The following IL3RA variants were observed in gnomAD, a reference collection of about 807,000 sequenced individuals.
IL3RA encodes the protein interleukin 3 receptor subunit alpha.
Under a neutral mutation model 52.3 loss-of-function variants are expected in IL3RA, and 73 were observed. The ratio of observed to expected loss-of-function variants is 1.40; its 90% CI spans 1.16 to 1.70. The LOEUF is 1.70. IL3RA is among the 40% of genes most tolerant of loss of function. The pLI, the probability that IL3RA is intolerant of heterozygous loss-of-function variation, is 0.00. For synonymous variants in IL3RA, 260 were observed against 194.0 expected (o/e 1.34, Z -2.83); for missense variants, 664 against 504.4 (o/e 1.32, Z -3.03).
At chrX:1,348,131 G>T (rs1277676038) in intron 3 of IL3RA, among the ~76,000 whole-genome samples, 2 of 150,848 alleles carry the variant, frequency 1.3e-5, no homozygotes, top group African/African-American at 4.9e-5. Context: ...CGGATCACAT[G>T]AGGTCAGGAG....
intron 8 of IL3RA, among the ~76,000 whole-genome samples, chrX:1,363,139 C>A (rs1169811009): frequency 6.6e-6 from 1 of 151,878 alleles, no homozygotes; most frequent in East Asian, 1.9e-4. Flanking sequence ...TCCAAAATGA[C>A]ATCATCTCAA....
chrX:1,345,376 A>C lies in IL3RA; in HGVS notation c.125A>C (p.Asp42Ala). The part of the protein sequence containing the change: ...MKAKAQQLTW[D>A]LNRNVTDIEC... ...GCAAAGGCTCAGCAGTTGACCTGGG[A>C]CCTTAACAGAAATGTGACCGATATC... is the stretch of plus-strand genomic sequence containing the variant. Residue 42 changes from aspartate to alanine, a missense_variant, in exon 3 of 12, where the codon GAC (aspartate) becomes GCC (alanine). Coordinates refer to ENST00000331035, the MANE Select transcript of IL3RA (RefSeq NM_002183.4). 4 of 1,611,306 alleles carry C rather than the reference A, an allele frequency of 2.5e-6. No homozygotes were observed. The highest frequency in any genetic ancestry group is 3.4e-6 in the Non-Finnish European group (4 of 1,178,302).
At position 1,382,645 on chromosome X, in the gene IL3RA, T is replaced by C. The variant is rs751107149; in HGVS notation, c.*180T>C. The C allele has an allele frequency of 1.6e-4, 103 of 638,234 alleles. No homozygotes were observed. Among genetic ancestry groups the C allele is most frequent in the Non-Finnish European group, 2.8e-4 (99 of 351,422 alleles). 39.5% of individuals were successfully genotyped at this position (638,234 alleles called of 1,614,324 possible). A position where few individuals can be genotyped will look rare whatever the true frequency, so the allele number is the denominator to read the frequency against. On this transcript the variant is annotated 3_prime_UTR_variant, in exon 12 of 12. Transcript: ENST00000331035. The stretch of plus-strand genomic sequence containing the variant: ...GCTGCCAGGAAGAAGAACAGAACTT[T>C]GTGTGTTTATTTCATGATAAAGTGA...
intron 8 of IL3RA, among the ~76,000 whole-genome samples, chrX:1,361,949 G>C (rs1275085992): frequency 6.6e-6 from 1 of 151,810 alleles, no homozygotes; most frequent in Non-Finnish European, 1.5e-5. Context: ...TGAGATTTGG[G>C]TGGGGACACA....
chrX:1,344,928 T>C lies in IL3RA; in HGVS notation c.65-388T>C, dbSNP rs188337249. 2.8e-3 allele frequency among the ~76,000 whole-genome samples: 412 copies of C among 148,994 alleles called. 3 individuals carry two copies. Among genetic ancestry groups the C allele is most frequent in the Non-Finnish European group, 5.0e-3 (335 of 67,398 alleles). ...CTGTAATCCCAGCACTTTGGGAGGC[T>C]GAGGCGGACGAATCATGAGGTCAGG... On this transcript the variant is annotated intron_variant, in intron 2 of 11. Transcript: ENST00000331035.
At chrX:1,382,160 A>G (rs1351136540) in intron 11 of IL3RA, among the ~76,000 whole-genome samples, 2 of 112,328 alleles carry the variant, frequency 1.8e-5, no homozygotes, top group Admixed American at 1.9e-4. Context: ...CATGTTGGCC[A>G]GGATGGTCTG....
rs375535967 is a variant in IL3RA at position 1,381,189 on chromosome X, A to C, written c.1062+85A>C. On this transcript the variant is annotated intron_variant, in intron 11 of 11. Coordinates refer to ENST00000331035, the MANE Select transcript of IL3RA (RefSeq NM_002183.4). Reference sequence around the variant, plus strand: ...CCAGGCGGGCGGACCACTTGAGGCCAGGAACTGGAGACCAGCCTGGCCAAC... The same window carrying C: ...CCAGGCGGGCGGACCACTTGAGGCCCGGAACTGGAGACCAGCCTGGCCAAC... The C allele has an allele frequency of 3.1e-4, 355 of 1,154,120 alleles. 2 individuals carry two copies. The African/African-American group carries it at 4.5e-3, about 15-fold the overall frequency. The allele number at this position is 1,154,120 out of a possible 1,614,324, so 71.5% of individuals were successfully genotyped here.
Position 1,382,451 on chromosome X carries a change from G to T in IL3RA, c.1123G>T (p.Val375Leu). ...GTGTCTGGTGACTGAAGTACAGGTC[G>T]TGCAGAAAACTTGAGACTGGGGTTC... is the stretch of plus-strand genomic sequence containing the variant. ...EECLVTEVQV[V>L]QKT Residue 375 changes from valine (V) to leucine (L), a missense_variant, in exon 12 of 12, where the codon GTG becomes TTG. Coordinates refer to ENST00000331035, the MANE Select transcript of IL3RA (RefSeq NM_002183.4). The T allele has an allele frequency of 6.2e-7, 1 of 1,613,860 alleles. No individual in the cohort carries two copies.
chrX:1,344,397 G>A (rs1375214143), intron 2 of IL3RA, among the ~76,000 whole-genome samples: 1 of 151,962 alleles, frequency 6.6e-6, no homozygotes, highest in Non-Finnish European at 1.5e-5. Flanking sequence ...TCGCGCCACT[G>A]AATTCCAGCC....
chrX:1,341,748 T>C lies in IL3RA; in HGVS notation c.-18T>C. ...TGCAGCAGGCACCTCTGTCCTGCGTTCCGGAGCTGCGTTCCCGATGGTCCT... is the reference window on the plus strand; with the variant it reads ...TGCAGCAGGCACCTCTGTCCTGCGTCCCGGAGCTGCGTTCCCGATGGTCCT... On this transcript the variant is annotated 5_prime_UTR_variant, in exon 2 of 12. Coordinates refer to ENST00000331035, the MANE Select transcript of IL3RA (RefSeq NM_002183.4). 2 of 1,613,696 alleles carry C rather than the reference T, an allele frequency of 1.2e-6. No individual in the cohort carries two copies. Among genetic ancestry groups the C allele is most frequent in the Non-Finnish European group, 1.7e-6 (2 of 1,179,766 alleles).
intron 2 of IL3RA, among the ~76,000 whole-genome samples, chrX:1,343,746 G>C (rs1353032480): frequency 6.7e-6 from 1 of 149,280 alleles, no homozygotes; most frequent in East Asian, 1.9e-4. Flanking sequence ...CTCTGTGATG[G>C]CTAAGAGAGA....
At chrX:1,349,841 T>C (rs2086002852) in intron 4 of IL3RA, among the ~76,000 whole-genome samples, 1 of 150,382 alleles carries the variant, frequency 6.6e-6, no homozygotes, top group South Asian at 2.1e-4. Flanking sequence ...TTTTGTATTT[T>C]AAGTAGAGAC....
intron 7 of IL3RA, among the ~76,000 whole-genome samples, chrX:1,356,772 A>C (rs1221580877): frequency 6.9e-6 from 1 of 144,752 alleles, no homozygotes; most frequent in East Asian, 2.0e-4. Flanking sequence ...ACTCCGTCTC[A>C]AAAAAAAAAA....
intron 9 of IL3RA, among the ~76,000 whole-genome samples, chrX:1,368,582 G>C (rs1348181924): frequency 6.6e-6 from 1 of 152,148 alleles, no homozygotes; most frequent in Non-Finnish European, 1.5e-5. Context: ...TTTGGAGTTG[G>C]GGTGTTTAAA....
intron 2 of IL3RA, among the ~76,000 whole-genome samples, chrX:1,344,103 C>G (rs186315740): frequency 6.6e-6 from 1 of 152,014 alleles, no homozygotes; most frequent in Non-Finnish European, 1.5e-5. Context: ...TGCTTTATGA[C>G]TTCTACCAGC....
intron 4 of IL3RA, among the ~76,000 whole-genome samples, chrX:1,349,032 C>T (rs1330871257): frequency 2.0e-5 from 3 of 149,802 alleles, no homozygotes; most frequent in Non-Finnish European, 1.5e-5. Context: ...TTTCCTGACA[C>T]GGTCTTGCTC....
Position 1,382,380 on chromosome X carries a change from C to T in IL3RA, c.1063-11C>T, listed in dbSNP as rs779646054. On this transcript the variant is annotated splice_polypyrimidine_tract_variant and intron_variant, in intron 11 of 11. Coordinates refer to ENST00000331035, the MANE Select transcript of IL3RA (RefSeq NM_002183.4). ...GTGGCCGACTCACCCTGCCTCCTCT[C>T]GTCTCTGCAGGTGGTCTGGGAGGCG... The T allele has an allele frequency of 1.6e-5, 25 of 1,612,656 alleles. No homozygotes were observed. The highest frequency in any genetic ancestry group is 2.2e-5 in the South Asian group (2 of 91,060).
chrX:1,355,566 T>C, intron 6 of IL3RA, among the ~76,000 whole-genome samples: 1 of 145,454 alleles, frequency 6.9e-6, no homozygotes, highest in South Asian at 2.2e-4. Context: ...GGTAGTCGGG[T>C]CACACCTGAG....
At position 1,346,917 on chromosome X, in the gene IL3RA, C is replaced by G. The variant is rs148259099; in HGVS notation, c.183+1483C>G. 4.6e-5 allele frequency among the ~76,000 whole-genome samples: 7 copies of G among 151,456 alleles called. No homozygotes were observed. The East Asian group carries it at 1.2e-3, about 25-fold the overall frequency. ...GGGCCACCATTATAAAATCCTACCC[C>G]CAGCTCCAAATACAGTCCCATTGAA... On this transcript the variant is annotated intron_variant, in intron 3 of 11. Transcript: ENST00000331035.
Sources: allele counts gnomAD v4.1 joint callset (sites outside exome capture counted in the v4.1 genomes callset), GRCh38; gene constraint gnomAD v4.1.1; transcripts MANE v1.5; gene names NCBI Gene and HGNC (gene_info 2026-07-23, HGNC 2026-07-21).